The following EYS variants were observed in gnomAD, a reference collection of about 807,000 sequenced individuals.
EYS encodes protein eyes shut homolog.
Under a neutral mutation model 282.1 loss-of-function variants are expected in EYS, and 250 were observed. That is an observed-to-expected ratio of 0.89 (90% CI 0.80 to 0.98). The LOEUF (loss-of-function observed/expected upper bound fraction) is 0.98, where lower values mean the gene tolerates loss of function less well. EYS is among the 50% of genes least tolerant of loss of function. The probability of loss-of-function intolerance (pLI) is 0.00; values close to 1 mark genes in which losing one functional copy is unlikely to be tolerated. For missense variants in EYS, 4,016 were observed against 3,709.0 expected (o/e 1.08, Z -2.15); for synonymous variants, 1,355 against 1,282.9 (o/e 1.06, Z -1.20).
At chr6:64,572,488 T>C (rs1356031849) in intron 26 of EYS, among the ~76,000 whole-genome samples, 1 of 152,012 alleles carries the variant, frequency 6.6e-6, no homozygotes, top group African/African-American at 2.4e-5. Flanking sequence ...GCAAATCAAG[T>C]CAAATTGCAG....
chr6:64,280,681 G>C (rs1208249764), intron 30 of EYS, among the ~76,000 whole-genome samples: 1 of 152,012 alleles, frequency 6.6e-6, no homozygotes, highest in Admixed American at 6.6e-5. Context: ...GCAAGAAATG[G>C]AGCCTGTGAA....
intron 5 of EYS, among the ~76,000 whole-genome samples, chr6:65,461,296 C>T (rs1378659566): frequency 6.6e-6 from 1 of 152,070 alleles, no homozygotes; most frequent in African/African-American, 2.4e-5. Context: ...ATTTTTAGCA[C>T]TTTAGAGCCT....
chr6:64,673,877 A>G (rs1370403055), intron 22 of EYS, among the ~76,000 whole-genome samples: 1 of 152,126 alleles, frequency 6.6e-6, no homozygotes, highest in Non-Finnish European at 1.5e-5. Flanking sequence ...ACTTTGCACT[A>G]TTAGAAAAAT....
chr6:63,727,706 CAAAA>C (rs1169878020), intron 41 of EYS, among the ~76,000 whole-genome samples: 1 of 9,520 alleles, frequency 1.1e-4, no homozygotes, highest in Non-Finnish European at 1.6e-4. Context: ...CACCATCTCT[CAAAA>C]AAAAAAAAAA....
At chr6:65,597,366 T>G (rs1267513236) in intron 2 of EYS, among the ~76,000 whole-genome samples, 1 of 152,000 alleles carries the variant, frequency 6.6e-6, no homozygotes, top group Admixed American at 6.6e-5. Context: ...CACTCTTAAG[T>G]ATCATAATTC....
chr6:65,559,177 C>A (rs1370602953), intron 2 of EYS, among the ~76,000 whole-genome samples: 1 of 152,080 alleles, frequency 6.6e-6, no homozygotes, highest in East Asian at 1.9e-4. Context: ...TGAAATCAGT[C>A]TTTAGTTCTT....
intron 26 of EYS, among the ~76,000 whole-genome samples, chr6:64,443,020 C>T (rs965657179): frequency 1.3e-5 from 2 of 152,128 alleles, no homozygotes; most frequent in Non-Finnish European, 2.9e-5. Context: ...ACGGCTTGCA[C>T]TGTGCACCTG....
chr6:64,248,814 G>A (rs1332872715), intron 30 of EYS, among the ~76,000 whole-genome samples: 1 of 152,018 alleles, frequency 6.6e-6, no homozygotes, highest in African/African-American at 2.4e-5. Flanking sequence ...CAGCACTTTG[G>A]GGGACCAAGG....
At chr6:64,985,229 C>T (rs1583360526) in intron 14 of EYS, among the ~76,000 whole-genome samples, 1 of 151,574 alleles carries the variant, frequency 6.6e-6, no homozygotes, top group East Asian at 2.0e-4. Context: ...TTAACCTATA[C>T]AAATGTTATG....
intron 30 of EYS, among the ~76,000 whole-genome samples, chr6:64,274,734 T>C (rs1162424519): frequency 6.6e-6 from 1 of 152,074 alleles, no homozygotes; most frequent in Admixed American, 6.6e-5. Context: ...GGTGTCTTTG[T>C]TATGTTTGAG....
chr6:64,882,540 A>G lies in EYS; in HGVS notation c.2992+4157T>C, dbSNP rs1230313099. 3.3e-5 allele frequency among the ~76,000 whole-genome samples: 5 copies of G among 151,698 alleles called. No individual in the cohort carries two copies. In the Admixed American group the frequency reaches 3.3e-4, roughly 10 times the overall value. ...TAATAATGTTGCTGTCGTTGACAAA[A>G]AAAAATGATTACTATTAATCTAAAG... On this transcript the variant is annotated intron_variant, in intron 19 of 42. Transcript: ENST00000503581.
chr6:64,306,355 T>C (rs1056110083), intron 30 of EYS, among the ~76,000 whole-genome samples: 2 of 152,078 alleles, frequency 1.3e-5, no homozygotes, highest in African/African-American at 4.8e-5. Context: ...ACCATAATAC[T>C]CCCAAAATAA....
At chr6:65,423,929 T>G (rs1320614353) in intron 5 of EYS, among the ~76,000 whole-genome samples, 1 of 152,020 alleles carries the variant, frequency 6.6e-6, no homozygotes, top group East Asian at 1.9e-4. Flanking sequence ...ATAAATCCCA[T>G]CCATTGACTT....
intron 1 of EYS, among the ~76,000 whole-genome samples, chr6:65,678,249 T>G (rs564863821): frequency 1.2e-4 from 18 of 151,880 alleles, no homozygotes; most frequent in Non-Finnish European, 2.5e-4. Context: ...TCTGCCCCCA[T>G]GAGCCAAACA....
intron 12 of EYS, among the ~76,000 whole-genome samples, chr6:65,123,636 T>A (rs1197554887): frequency 3.3e-5 from 5 of 152,142 alleles, no homozygotes; most frequent in African/African-American, 1.2e-4. Flanking sequence ...GGCTAATATA[T>A]GTTTATTACT....
At chr6:64,421,190 A>G (rs1335090439) in intron 28 of EYS, among the ~76,000 whole-genome samples, 4 of 152,196 alleles carry the variant, frequency 2.6e-5, no homozygotes, top group Non-Finnish European at 4.4e-5. Context: ...GAGGGGAAGT[A>G]AACATGTCCT....
At chr6:64,194,865 T>G (rs72876892) in intron 31 of EYS, among the ~76,000 whole-genome samples, 1 of 152,128 alleles carries the variant, frequency 6.6e-6, no homozygotes, top group South Asian at 2.1e-4. Context: ...TACTTGATAA[T>G]AGAGACCTTA....
chr6:63,864,159 C>A, intron 36 of EYS, 27 bp downstream of exon 36: 3 of 1,438,410 alleles, frequency 2.1e-6, no homozygotes, highest in Non-Finnish European at 1.8e-6. Context: ...TGTCTGTGCT[C>A]CATGTTTAAT....
At chr6:64,905,226 G>C (rs1292606309) in intron 16 of EYS, among the ~76,000 whole-genome samples, 1 of 152,180 alleles carries the variant, frequency 6.6e-6, no homozygotes, top group Non-Finnish European at 1.5e-5. Context: ...AGCAATACAT[G>C]ACTGTATACT....
Sources: gnomAD v4.1 joint callset for allele counts (sites outside exome capture counted in the v4.1 genomes callset) on GRCh38, gnomAD v4.1.1 for gene constraint, MANE v1.5 for transcripts, NCBI Gene and HGNC (gene_info 2026-07-23, HGNC 2026-07-21) for gene names.